Variants in PCDHA9 observed in about 807,000 individuals in gnomAD.
PCDHA9 encodes protocadherin alpha-9.
PCDHA9 carries 62 observed loss-of-function variants against 62.0 expected under a neutral mutation model. That is an observed-to-expected ratio of 1.00 (90% CI 0.81 to 1.23). PCDHA9 has a LOEUF of 1.23. Among genes scored for constraint, PCDHA9 ranks in the 50% most tolerant of loss-of-function variants. PCDHA9 has a pLI of 0.00. For missense variants in PCDHA9, 1,205 were observed against 1,249.8 expected, an observed-to-expected ratio of 0.96 and a Z score of 0.54; for synonymous variants, 557 against 567.6, an observed-to-expected ratio of 0.98 and a Z score of 0.27.
chr5:140,896,053 C>T (rs371706160), intron 1 of PCDHA9, among the ~76,000 whole-genome samples: 8 of 152,164 alleles, frequency 5.3e-5, no homozygotes, highest in Non-Finnish European at 1.2e-4. Context: ...TCAGGTGATC[C>T]GCCTGCCTCG....
intron 3 of PCDHA9, among the ~76,000 whole-genome samples, chr5:140,996,093 A>G (rs2097711389): frequency 6.6e-6 from 1 of 152,210 alleles, no homozygotes; most frequent in South Asian, 2.1e-4. Flanking sequence ...GCTAGATTAC[A>G]TGGAATGGTA....
At chr5:140,928,298 C>T in intron 1 of PCDHA9, 2 of 1,614,128 alleles carry the variant, frequency 1.2e-6, no homozygotes, top group South Asian at 1.1e-5. Context: ...CGAGTGTTTG[C>T]CCAGGACCCC....
chr5:140,884,308 G>T, intron 1 of PCDHA9: 1 of 1,613,766 alleles, frequency 6.2e-7, no homozygotes. Flanking sequence ...AGGCTTCGTC[G>T]AGGGCGTCGG....
At chr5:140,967,727 G>C in intron 1 of PCDHA9, 2 of 1,614,148 alleles carry the variant, frequency 1.2e-6, no homozygotes, top group Non-Finnish European at 1.7e-6. Flanking sequence ...GCGAGTAATT[G>C]GGGGGCTGGA....
intron 1 of PCDHA9, among the ~76,000 whole-genome samples, chr5:140,952,315 G>T (rs2094717881): frequency 6.8e-6 from 1 of 147,138 alleles, no homozygotes; most frequent in Non-Finnish European, 1.5e-5. Context: ...TCCAGCCTGG[G>T]CAACAAGAGT....
Position 140,967,085 on chromosome 5 carries a change from C to A in PCDHA9, c.2395-11864C>A, listed in dbSNP as rs155809. On this transcript the variant is annotated intron_variant, in intron 1 of 3. Coordinates refer to ENST00000532602, the MANE Select transcript of PCDHA9 (RefSeq NM_031857.2). ...GCTCTTCGTCAACGAGCGCATTGAT[C>A]GGGAGGCGCTGTGTGAGCAGCGGCC... The A allele has an allele frequency of 3.0e-3, 4,870 of 1,613,198 alleles. 112 individuals are homozygous for A. The African/African-American group carries it at 0.056, about 18-fold the overall frequency.
intron 1 of PCDHA9, among the ~76,000 whole-genome samples, chr5:140,898,520 G>A (rs1583310662): frequency 6.6e-6 from 1 of 152,298 alleles, no homozygotes; most frequent in East Asian, 1.9e-4. Context: ...CGTTATTTCT[G>A]AGGGCTCTGT....
At chr5:141,005,610 G>C (rs1184044588) in intron 3 of PCDHA9, among the ~76,000 whole-genome samples, 1 of 147,582 alleles carries the variant, frequency 6.8e-6, no homozygotes, top group Non-Finnish European at 1.5e-5. Context: ...GCTGAGGCAG[G>C]AGAATGGCGT....
chr5:140,886,886 T>C (rs1554182794), intron 1 of PCDHA9, among the ~76,000 whole-genome samples: 1 of 151,610 alleles, frequency 6.6e-6, no homozygotes, highest in African/African-American at 2.4e-5. Flanking sequence ...CATTCATTAA[T>C]TAAATGCATT....
chr5:140,850,089 C>G lies in PCDHA9; in HGVS notation c.1594C>G (p.Gln532Glu), dbSNP rs2150466506. ...GGACCACGAGGAGCTGGAGCTGCTA[C>G]AGTTCCAGGTGAGCGCGCGCGACGC... ...PLDHEELELL[Q>E]FQVSARDAGV... The change falls in exon 1 of 4, where the codon CAG (glutamine) becomes GAG (glutamate). Residue 532 changes from glutamine to glutamate, a missense_variant. Coordinates refer to ENST00000532602, the MANE Select transcript of PCDHA9 (RefSeq NM_031857.2). The G allele has an allele frequency of 6.3e-7, 1 of 1,596,512 alleles. No individual in the cohort carries two copies. The highest frequency in any genetic ancestry group is 8.6e-7 in the Non-Finnish European group (1 of 1,167,840).
chr5:140,968,886 A>T, intron 1 of PCDHA9: 1 of 1,614,186 alleles, frequency 6.2e-7, no homozygotes, highest in Non-Finnish European at 8.5e-7. Flanking sequence ...ATTACCCTTT[A>T]TCTAATAATA....
intron 1 of PCDHA9, among the ~76,000 whole-genome samples, chr5:140,961,280 C>G (rs246003): frequency 0.56 from 85,679 of 152,048 alleles, 24,751 homozygotes; most frequent in African/African-American, 0.69. Flanking sequence ...TACCATGGCT[C>G]TGTTTCTTGA....
At chr5:140,885,543 G>A (rs1554182177) in intron 1 of PCDHA9, among the ~76,000 whole-genome samples, 2 of 152,092 alleles carry the variant, frequency 1.3e-5, no homozygotes, top group Non-Finnish European at 2.9e-5. Flanking sequence ...CAAAATATTG[G>A]TGTTATTTCT....
intron 3 of PCDHA9, among the ~76,000 whole-genome samples, chr5:140,993,043 A>G (rs1402138607): frequency 1.3e-5 from 2 of 152,186 alleles, no homozygotes; most frequent in Non-Finnish European, 2.9e-5. Context: ...TGTGTCATCA[A>G]GATGTCAATC....
chr5:140,965,036 G>A (rs568573122), intron 1 of PCDHA9, among the ~76,000 whole-genome samples: 1 of 152,272 alleles, frequency 6.6e-6, no homozygotes, highest in African/African-American at 2.4e-5. Context: ...TTAACTGTCC[G>A]CTCTAGGAGG....
intron 1 of PCDHA9, among the ~76,000 whole-genome samples, chr5:140,896,899 C>T (rs191660343): frequency 1.4e-4 from 21 of 152,112 alleles, no homozygotes; most frequent in Admixed American, 1.4e-3. Flanking sequence ...CATTTTGATA[C>T]AAGCATGCAA....
At chr5:140,937,789 G>A (rs1413517840) in intron 1 of PCDHA9, among the ~76,000 whole-genome samples, 1 of 151,816 alleles carries the variant, frequency 6.6e-6, no homozygotes, top group Non-Finnish European at 1.5e-5. Flanking sequence ...GCGGGCGTAT[G>A]TAGTCCCAGC....
In PCDHA9 at chr5:140,848,483, C is replaced by CT; in HGVS notation, c.-12dup. 1 of 1,570,026 alleles carries CT rather than the reference C, an allele frequency of 6.4e-7. No homozygotes were observed. ...GCAATTTTCACTAATTAGAAGAAGA[C>CT]TGAGTATTTGAAATGTTATACTCAA... On this transcript the variant is annotated 5_prime_UTR_variant, in exon 1 of 4. Transcript: ENST00000532602.
chr5:140,994,272 CT>C (rs1359828811), intron 3 of PCDHA9, among the ~76,000 whole-genome samples: 4 of 152,168 alleles, frequency 2.6e-5, no homozygotes, highest in African/African-American at 9.7e-5. Flanking sequence ...GCTAGGCTGC[CT>C]TTCTTGAGAC....
Sources: gnomAD v4.1 joint callset for allele counts (sites outside exome capture counted in the v4.1 genomes callset) on GRCh38, gnomAD v4.1.1 for gene constraint, MANE v1.5 for transcripts, NCBI Gene and HGNC (gene_info 2026-07-23, HGNC 2026-07-21) for gene names.